The following PDE10A variants were observed in gnomAD, a reference collection of about 807,000 sequenced individuals.
PDE10A encodes the protein phosphodiesterase 10A.
In PDE10A, 39 loss-of-function variants were observed where a neutral mutation model predicts 97.7. That is an observed-to-expected ratio of 0.40 (90% CI 0.31 to 0.52). The LOEUF (loss-of-function observed/expected upper bound fraction) is 0.52, where lower values mean the gene tolerates loss of function less well. Ranked by LOEUF, PDE10A falls within the 20% of genes least tolerant of loss-of-function variation. The pLI is 0.56. For missense variants in PDE10A, 731 were observed against 1,047.8 expected (o/e 0.70, Z 4.17); for synonymous variants, 371 against 376.8 (o/e 0.98, Z 0.18).
intron 1 of PDE10A, among the ~76,000 whole-genome samples, chr6:165,779,944 G>A (rs1233313207): frequency 6.6e-6 from 1 of 152,180 alleles, no homozygotes; most frequent in Non-Finnish European, 1.5e-5. Context: ...ACGAATGGTT[G>A]GAGAGCATCT....
At chr6:165,862,056 T>C (rs1216021659) in intron 1 of PDE10A, among the ~76,000 whole-genome samples, 6 of 152,192 alleles carry the variant, frequency 3.9e-5, no homozygotes, top group Non-Finnish European at 2.9e-5. Context: ...GCCACTGTGG[T>C]GGGGCCAGGA....
rs566078265 is a variant in PDE10A, at chr6:165,572,210, C to T, written c.866-28642G>A. On this transcript the variant is annotated intron_variant, in intron 1 of 21. Coordinates refer to ENST00000539869, the MANE Select transcript of PDE10A (RefSeq NM_001385079.1). ...TGTGGAATTATTATTCTGGTCTCTA[C>T]GGCAGCATTTAATTTAAAACATAAA... 9.2e-5 allele frequency among the ~76,000 whole-genome samples: 14 copies of T among 152,280 alleles called. No individual in the cohort carries two copies. In the East Asian group the frequency reaches 2.5e-3, roughly 27 times the overall value.
At chr6:165,471,210 A>G (rs1778981494) in intron 3 of PDE10A, among the ~76,000 whole-genome samples, 1 of 152,148 alleles carries the variant, frequency 6.6e-6, no homozygotes, top group Non-Finnish European at 1.5e-5. Flanking sequence ...TTTATTTAAA[A>G]GAAACATATG....
In PDE10A at chr6:165,418,796, A is replaced by G. The variant is rs1380625921; in HGVS notation, c.1654-19T>C. On this transcript the variant is annotated intron_variant, in intron 10 of 21. Coordinates refer to ENST00000539869, the MANE Select transcript of PDE10A (RefSeq NM_001385079.1). This position sits in a 1 kb window ranked among gnomAD's most constrained non-coding sequence, Gnocchi z 4.8. ...CATATATCTAAAGACAAATGACAAA[A>G]TAAGAGGAAGACAATGAGACATTCA... 3 of 1,606,456 alleles carry G rather than the reference A, an allele frequency of 1.9e-6. No homozygotes were observed. The Admixed American group carries it at 5.0e-5, about 27-fold the overall frequency.
chr6:165,986,563 C>G (rs1785229251), intron 1 of PDE10A: 1 of 152,272 alleles, frequency 6.6e-6, no homozygotes, highest in African/African-American at 2.4e-5. Context: ...CTCTCCCTCT[C>G]TCAGTCTCTC....
intron 1 of PDE10A, among the ~76,000 whole-genome samples, chr6:165,632,951 A>T (rs572637106): frequency 1.5e-4 from 23 of 152,232 alleles, no homozygotes; most frequent in African/African-American, 5.3e-4. Flanking sequence ...CTCCCAATGG[A>T]GGGGGCATGA....
intron 1 of PDE10A, among the ~76,000 whole-genome samples, chr6:165,784,108 C>T (rs1284557779): frequency 2.6e-5 from 4 of 151,918 alleles, no homozygotes; most frequent in African/African-American, 9.7e-5. Flanking sequence ...GTCCCAGCTA[C>T]TCGGGAGGCT....
chr6:165,651,934 T>C (rs1209833241), intron 1 of PDE10A, among the ~76,000 whole-genome samples: 3 of 152,188 alleles, frequency 2.0e-5, no homozygotes, highest in Non-Finnish European at 2.9e-5. Flanking sequence ...ATGACACTTA[T>C]ATCATCCTTT....
chr6:165,343,319 T>C, intron 19 of PDE10A, 72 bp downstream of exon 19: 2 of 1,039,662 alleles, frequency 1.9e-6, no homozygotes, highest in Non-Finnish European at 3.0e-6. Context: ...ACAACTAAAG[T>C]ATTCTTAGCA....
chr6:165,670,648 T>G (rs1003884764), intron 1 of PDE10A, among the ~76,000 whole-genome samples: 5 of 152,226 alleles, frequency 3.3e-5, no homozygotes, highest in African/African-American at 1.2e-4. Flanking sequence ...ATCACCTTAA[T>G]TTAAATGTGA....
At chr6:165,924,171 C>A (rs544099314) in intron 1 of PDE10A, among the ~76,000 whole-genome samples, 279 of 152,254 alleles carry the variant, frequency 1.8e-3, no homozygotes, top group Non-Finnish European at 3.4e-3. Flanking sequence ...TCTGTGTGTA[C>A]AATTCATGGT....
intron 18 of PDE10A, among the ~76,000 whole-genome samples, chr6:165,378,565 G>A (rs975715098): frequency 1.3e-5 from 2 of 152,128 alleles, no homozygotes; most frequent in African/African-American, 2.4e-5. Flanking sequence ...AATCCACTAG[G>A]CAAGACACCC....
At chr6:165,509,263 AGT>A (rs1781376749) in intron 2 of PDE10A, among the ~76,000 whole-genome samples, 1 of 151,860 alleles carries the variant, frequency 6.6e-6, no homozygotes, top group African/African-American at 2.4e-5. Flanking sequence ...TAATATTTCA[AGT>A]CCTTTCTTCT....
intron 3 of PDE10A, among the ~76,000 whole-genome samples, chr6:165,472,607 T>C (rs552890906): frequency 6.6e-6 from 1 of 152,256 alleles, no homozygotes; most frequent in East Asian, 1.9e-4. Flanking sequence ...TTTATCCCCA[T>C]TTTACATTTG....
intron 1 of PDE10A, among the ~76,000 whole-genome samples, chr6:165,674,783 T>C (rs1790749112): frequency 6.6e-6 from 1 of 152,188 alleles, no homozygotes; most frequent in Non-Finnish European, 1.5e-5. Flanking sequence ...CCTCTGAAAG[T>C]TGTAACACTC....
At chr6:165,513,634 G>A (rs987115307) in intron 2 of PDE10A, among the ~76,000 whole-genome samples, 2 of 152,078 alleles carry the variant, frequency 1.3e-5, no homozygotes, top group African/African-American at 2.4e-5. Context: ...GGGGAGAATT[G>A]TTATCCAGAC....
chr6:165,479,028 T>C (rs1779452158), intron 3 of PDE10A, among the ~76,000 whole-genome samples: 1 of 152,194 alleles, frequency 6.6e-6, no homozygotes, highest in Admixed American at 6.5e-5. Context: ...AACCAAGCTG[T>C]AGCCCAACTA....
chr6:165,868,690 A>G (rs2128478008), intron 1 of PDE10A, among the ~76,000 whole-genome samples: 1 of 152,136 alleles, frequency 6.6e-6, no homozygotes, highest in East Asian at 1.9e-4. Context: ...ATACAAAAAC[A>G]AACAAGGACA....
chr6:165,956,459 G>A (rs1278887656), intron 1 of PDE10A, among the ~76,000 whole-genome samples: 1 of 152,108 alleles, frequency 6.6e-6, no homozygotes, highest in African/African-American at 2.4e-5. Context: ...AAACTGAACA[G>A]GAATGATGAA....
Sources: allele counts gnomAD v4.1 joint callset (sites outside exome capture counted in the v4.1 genomes callset), GRCh38; gene constraint gnomAD v4.1.1; non-coding constraint Gnocchi (gnomAD v3.1); transcripts MANE v1.5; gene names NCBI Gene and HGNC (gene_info 2026-07-23, HGNC 2026-07-21).